The following TEK variants were observed in gnomAD, a reference collection of about 807,000 sequenced individuals.
The protein encoded by TEK is angiopoietin-1 receptor.
TEK carries 43 observed loss-of-function variants against 131.8 expected under a neutral mutation model. The ratio of observed to expected loss-of-function variants is 0.33; its 90% CI spans 0.26 to 0.42. TEK has a LOEUF of 0.42. Ranked by LOEUF, TEK falls within the 10% of genes least tolerant of loss-of-function variation. The probability of loss-of-function intolerance (pLI) is 1.00; values close to 1 mark genes in which losing one functional copy is unlikely to be tolerated. For missense variants in TEK, 1,162 were observed against 1,384.4 expected (o/e 0.84, Z 2.55); for synonymous variants, 580 against 491.6 (o/e 1.18, Z -2.38).
intron 1 of TEK, among the ~76,000 whole-genome samples, chr9:27,152,058 T>C (rs1041530299): frequency 6.6e-6 from 1 of 152,236 alleles, no homozygotes; most frequent in Admixed American, 6.5e-5. Flanking sequence ...GAAGTGCTAA[T>C]TGGTATTTCA....
chr9:27,202,960 C>T lies in TEK; in HGVS notation c.2050C>T (p.His684Tyr), dbSNP rs1379131208. The change falls in exon 13 of 23, where the codon CAC becomes TAC. Residue 684 changes from histidine to tyrosine, a missense_variant. By Grantham distance (83) the His-to-Tyr change is moderately conservative. Around this residue, in one of 6 missense-constraint regions of TEK, gnomAD observed 477 missense variants for 471.0 expected, o/e 1.01. Coordinates refer to ENST00000380036, the MANE Select transcript of TEK (RefSeq NM_000459.5). ...YKVQGKNEDQHVDVKIKNATI... is the reference protein window; with the variant it reads ...YKVQGKNEDQYVDVKIKNATI... ...GGTTCAAGGCAAGAATGAAGACCAG[C>T]ACGTTGATGTGAAGATAAAGAATGC... is the stretch of plus-strand genomic sequence containing the variant. The T allele has an allele frequency of 1.2e-6, 2 of 1,614,106 alleles. No individual in the cohort carries two copies. The highest frequency in any genetic ancestry group is 4.5e-5 in the East Asian group (2 of 44,864).
intron 18 of TEK, among the ~76,000 whole-genome samples, chr9:27,214,164 T>C (rs553509529): frequency 6.6e-6 from 1 of 152,234 alleles, no homozygotes; most frequent in South Asian, 2.1e-4. Flanking sequence ...CAGGAGAACC[T>C]AACCATACAG....
intron 8 of TEK, among the ~76,000 whole-genome samples, chr9:27,185,016 A>G (rs1268252796): frequency 6.6e-6 from 1 of 150,760 alleles, no homozygotes; most frequent in Non-Finnish European, 1.5e-5. Context: ...AGCCTGAGCC[A>G]AGGAACAAGA....
chr9:27,177,058 G>A (rs746532453), intron 6 of TEK, among the ~76,000 whole-genome samples: 1 of 152,136 alleles, frequency 6.6e-6, no homozygotes, highest in African/African-American at 2.4e-5. Context: ...CATTATATAT[G>A]TGTACACACC....
intron 21 of TEK, among the ~76,000 whole-genome samples, chr9:27,225,903 C>A (rs1284549313): frequency 1.3e-5 from 2 of 152,002 alleles, no homozygotes; most frequent in African/African-American, 2.4e-5. Context: ...AAAAAACAAC[C>A]CCATCAAAAA....
At chr9:27,126,486 C>T (rs892371797) in intron 1 of TEK, among the ~76,000 whole-genome samples, 5 of 152,184 alleles carry the variant, frequency 3.3e-5, no homozygotes, top group African/African-American at 1.2e-4. Flanking sequence ...ATTCAAATGA[C>T]TGGGAAAGTG....
At chr9:27,173,737 G>GTTTTTTTTTTTTTTTTTT (rs35971876) in intron 6 of TEK, among the ~76,000 whole-genome samples, 1 of 93,984 alleles carries the variant, frequency 1.1e-5, no homozygotes. Context: ...TTTTTTTTTG[G>GTTTTTTTTTTTTTTTTTT]TTTTTTTTTT....
At chr9:27,139,191 C>T (rs1387832230) in intron 1 of TEK, among the ~76,000 whole-genome samples, 3 of 109,798 alleles carry the variant, frequency 2.7e-5, no homozygotes, top group South Asian at 2.9e-4. Flanking sequence ...CCAGCCTGGG[C>T]GACAGAGCGA....
chr9:27,227,085 T>C (rs184618174), intron 21 of TEK, among the ~76,000 whole-genome samples: 2 of 152,312 alleles, frequency 1.3e-5, no homozygotes, highest in Admixed American at 1.3e-4. Context: ...TTTTAGTCTT[T>C]AAGAAACTTA....
chr9:27,161,896 A>G (rs1157933323), intron 2 of TEK, among the ~76,000 whole-genome samples: 1 of 152,262 alleles, frequency 6.6e-6, no homozygotes, highest in Non-Finnish European at 1.5e-5. Flanking sequence ...TCTGCTTCAC[A>G]GTAAATGTTT....
chr9:27,216,450 G>A (rs1046881783), intron 18 of TEK, among the ~76,000 whole-genome samples: 1 of 152,158 alleles, frequency 6.6e-6, no homozygotes, highest in African/African-American at 2.4e-5. Flanking sequence ...AGCAGGCTGG[G>A]AGTGAATGAG....
rs774194740 is a variant in TEK, at chr9:27,228,273, G to T, written c.3268G>T (p.Val1090Leu). Reference protein sequence around the residue: ...YERPSFAQILVSLNRMLEERK... With the variant: ...YERPSFAQILLSLNRMLEERK... ...GAGGCCATCATTTGCCCAGATATTG[G>T]TGTCCTTAAACAGAATGTTAGAGGA... Residue 1090 changes from valine to leucine, a missense_variant, in exon 22 of 23, where the codon GTG (valine) becomes TTG (leucine). Physicochemically the swap from Val to Leu is conservative, Grantham distance 32 (BLOSUM62 1). Transcript: ENST00000380036. 2.5e-6 allele frequency: 4 copies of T among 1,613,018 alleles called. No homozygotes were observed. The highest frequency in any genetic ancestry group is 3.4e-6 in the Non-Finnish European group (4 of 1,179,216).
chr9:27,138,121 T>G (rs373857314), intron 1 of TEK, among the ~76,000 whole-genome samples: 3 of 152,148 alleles, frequency 2.0e-5, no homozygotes, highest in Non-Finnish European at 4.4e-5. Flanking sequence ...CCGCAGACCC[T>G]CTCAGTGAGT....
At chr9:27,224,081 G>A (rs1046847752) in intron 21 of TEK, among the ~76,000 whole-genome samples, 6 of 152,042 alleles carry the variant, frequency 3.9e-5, no homozygotes, top group East Asian at 1.9e-4. Flanking sequence ...AATCCCAGTC[G>A]AAGACCAGTA....
intron 1 of TEK, among the ~76,000 whole-genome samples, chr9:27,131,217 C>T (rs979783380): frequency 2.6e-5 from 4 of 152,130 alleles, no homozygotes; most frequent in African/African-American, 7.2e-5. Flanking sequence ...CATGGTGGCT[C>T]ATGCCTGTAA....
At chr9:27,210,984 T>C (rs1825591565) in intron 16 of TEK, among the ~76,000 whole-genome samples, 1 of 151,904 alleles carries the variant, frequency 6.6e-6, no homozygotes, top group South Asian at 2.1e-4. Context: ...TAACTGGGCC[T>C]AGTGGCGCAT....
intron 1 of TEK, among the ~76,000 whole-genome samples, chr9:27,128,719 A>G (rs1209577175): frequency 6.6e-6 from 1 of 151,906 alleles, no homozygotes; most frequent in Non-Finnish European, 1.5e-5. Context: ...ATTCCTAGGT[A>G]TTTTATTCTC....
intron 1 of TEK, among the ~76,000 whole-genome samples, chr9:27,111,346 A>G (rs1187521171): frequency 6.6e-6 from 1 of 152,200 alleles, no homozygotes; most frequent in African/African-American, 2.4e-5. Context: ...CTCCATGAGC[A>G]TGACTGCTCA....
intron 18 of TEK, among the ~76,000 whole-genome samples, chr9:27,216,709 G>T (rs1825831010): frequency 6.6e-6 from 1 of 152,176 alleles, no homozygotes; most frequent in African/African-American, 2.4e-5. Flanking sequence ...GCACATTCAG[G>T]AATCGTCCTT....
Sources: gnomAD v4.1 joint callset for allele counts (sites outside exome capture counted in the v4.1 genomes callset) on GRCh38, gnomAD v4.1.1 for gene constraint, gnomAD v4.1.1 regional missense constraint, MANE v1.5 for transcripts, NCBI Gene and HGNC (gene_info 2026-07-23, HGNC 2026-07-21) for gene names.